The following PTPN12 variants were observed in gnomAD, a reference collection of about 807,000 sequenced individuals.
The protein encoded by PTPN12 is tyrosine-protein phosphatase non-receptor type 12.
PTPN12 carries 29 observed loss-of-function variants against 97.6 expected under a neutral mutation model. That is an observed-to-expected ratio of 0.30 (90% CI 0.22 to 0.41). The LOEUF (loss-of-function observed/expected upper bound fraction) is 0.41, where lower values mean the gene tolerates loss of function less well. PTPN12 is among the 10% of genes least tolerant of loss of function. PTPN12 has a pLI of 1.00. For synonymous variants in PTPN12, 327 were observed against 300.4 expected (o/e 1.09, Z -0.91); for missense variants, 819 against 926.0 (o/e 0.88, Z 1.50).
chr7:77,567,195 T>TAAA (rs35233834), intron 1 of PTPN12, among the ~76,000 whole-genome samples: 1 of 141,098 alleles, frequency 7.1e-6, no homozygotes. Flanking sequence ...GTTGATGTGT[T>TAAA]AAAAAAAAAA....
At chr7:77,579,062 T>TA (rs1198677209) in intron 2 of PTPN12, among the ~76,000 whole-genome samples, 6 of 152,070 alleles carry the variant, frequency 3.9e-5, no homozygotes, top group South Asian at 2.1e-4. Flanking sequence ...TCCAGTCATT[T>TA]AAAAAAAATC....
chr7:77,614,205 T>C (rs1788674613), intron 11 of PTPN12, among the ~76,000 whole-genome samples: 1 of 152,182 alleles, frequency 6.6e-6, no homozygotes, highest in Non-Finnish European at 1.5e-5. Context: ...TTTTTAAAAC[T>C]TTTAACTATA....
At chr7:77,616,754 AAGC>A (rs1788763691) in intron 11 of PTPN12, among the ~76,000 whole-genome samples, 1 of 152,160 alleles carries the variant, frequency 6.6e-6, no homozygotes, top group Admixed American at 6.5e-5. Context: ...TGGAAATAAT[AAGC>A]AGATGATCAA....
chr7:77,592,398 T>C, intron 6 of PTPN12, 142 bp downstream of exon 6: 1 of 610,440 alleles, frequency 1.6e-6, no homozygotes. Flanking sequence ...AAAAATTTTG[T>C]TTATATACTG....
At chr7:77,562,977 G>T (rs1339612755) in intron 1 of PTPN12, among the ~76,000 whole-genome samples, 1 of 131,230 alleles carries the variant, frequency 7.6e-6, no homozygotes, top group Non-Finnish European at 1.6e-5. Context: ...AAAAAGAACA[G>T]CCTTGTTTTT....
chr7:77,639,557 A>G lies in PTPN12; in HGVS notation c.*277A>G, dbSNP rs1438751814. ...GTTAATATAGTAATACCTTTATGATATATTGAGTTTAAGGACTACTCTTTT... is the reference window on the plus strand; with the variant it reads ...GTTAATATAGTAATACCTTTATGATGTATTGAGTTTAAGGACTACTCTTTT... On this transcript the variant is annotated 3_prime_UTR_variant, in exon 18 of 18. Coordinates refer to ENST00000248594, the MANE Select transcript of PTPN12 (RefSeq NM_002835.4). 5.9e-6 allele frequency: 2 copies of G among 336,716 alleles called. No homozygotes were observed. The highest frequency in any genetic ancestry group is 9.9e-5 in the South Asian group (1 of 10,076). 20.9% of individuals were successfully genotyped at this position (336,716 alleles called of 1,614,324 possible).
At chr7:77,638,117 C>G (rs1789671765) in intron 16 of PTPN12, among the ~76,000 whole-genome samples, 1 of 151,320 alleles carries the variant, frequency 6.6e-6, no homozygotes. Context: ...GCCACCACGC[C>G]TGGCTAATTT....
chr7:77,589,017 C>T (rs68153348), intron 5 of PTPN12, among the ~76,000 whole-genome samples: 36,733 of 151,764 alleles, frequency 0.24, 4,689 homozygotes, highest in Non-Finnish European at 0.28. Context: ...GGACTACAGG[C>T]GCCTACCACC....
At chr7:77,600,405 A>T (rs1222006515) in intron 7 of PTPN12, among the ~76,000 whole-genome samples, 4 of 152,172 alleles carry the variant, frequency 2.6e-5, no homozygotes, top group African/African-American at 4.8e-5. Flanking sequence ...AAGTTATTTT[A>T]TCTGTATATC....
chr7:77,581,677 A>C (rs1177108713), intron 3 of PTPN12, among the ~76,000 whole-genome samples, 174 bp downstream of exon 3: 1 of 152,228 alleles, frequency 6.6e-6, no homozygotes, highest in Non-Finnish European at 1.5e-5. Context: ...CTTCTTATTC[A>C]TATAGATAAA....
intron 13 of PTPN12, among the ~76,000 whole-genome samples, chr7:77,629,549 T>A (rs749922021): frequency 3.3e-5 from 5 of 151,716 alleles, no homozygotes; most frequent in Non-Finnish European, 7.4e-5. Context: ...TGTTTTGTTC[T>A]TTTGCTTTTT....
chr7:77,628,520 T>G (rs1789281506), intron 13 of PTPN12, among the ~76,000 whole-genome samples: 2 of 152,260 alleles, frequency 1.3e-5, no homozygotes, highest in South Asian at 4.1e-4. Context: ...AGACTGGTAT[T>G]TATAACGTGC....
intron 2 of PTPN12, among the ~76,000 whole-genome samples, chr7:77,574,792 A>T (rs1787285553): frequency 6.6e-6 from 1 of 152,104 alleles, no homozygotes; most frequent in Non-Finnish European, 1.5e-5. Context: ...AAGTTTGATA[A>T]GTAGGTCTCC....
intron 3 of PTPN12, among the ~76,000 whole-genome samples, chr7:77,581,807 ACAT>A (rs1343612495): frequency 1.8e-4 from 28 of 152,354 alleles, no homozygotes; most frequent in African/African-American, 6.5e-4. Context: ...ACACAAATGA[ACAT>A]CATCAATCCC....
At position 77,614,028 on chromosome 7, in the gene PTPN12, A is replaced by C. The variant is rs187362667; in HGVS notation, c.939+2982A>C. Among the ~76,000 whole-genome samples the C allele has an allele frequency of 1.5e-4, 23 of 152,170 alleles. 1 individual carries two copies. Among genetic ancestry groups the C allele is most frequent in the Admixed American group, 1.4e-3 (22 of 15,266 alleles). ...TGCCTCAGCCTCCCAAGTAGCTGAG[A>C]CTATAGGCACATATACCACACCTAG... is the stretch of plus-strand genomic sequence containing the variant. On this transcript the variant is annotated intron_variant, in intron 11 of 17. Transcript: ENST00000248594.
chr7:77,628,072 G>A (rs1440840598), intron 13 of PTPN12, among the ~76,000 whole-genome samples: 4 of 152,094 alleles, frequency 2.6e-5, no homozygotes, highest in East Asian at 1.9e-4. Flanking sequence ...AATGTTACTC[G>A]TTTTTCCTAA....
At chr7:77,608,340 C>T (rs1433347788) in intron 9 of PTPN12, among the ~76,000 whole-genome samples, 1 of 152,178 alleles carries the variant, frequency 6.6e-6, no homozygotes, top group East Asian at 1.9e-4. Flanking sequence ...ATTGTAAGTA[C>T]TCAGTTTATT....
chr7:77,610,878 T>A, intron 10 of PTPN12, 36 bp downstream of exon 10: 1 of 1,585,652 alleles, frequency 6.3e-7, no homozygotes, highest in African/African-American at 1.4e-5. Flanking sequence ...AACTGCTATT[T>A]TATAAATGCT....
chr7:77,551,245 T>C (rs1439801288), intron 1 of PTPN12, among the ~76,000 whole-genome samples: 14 of 151,990 alleles, frequency 9.2e-5, no homozygotes, highest in Admixed American at 9.2e-4. Context: ...ATTTTTAGTA[T>C]AGACAAGGTT....
Sources: allele counts gnomAD v4.1 joint callset (sites outside exome capture counted in the v4.1 genomes callset), GRCh38; gene constraint gnomAD v4.1.1; transcripts MANE v1.5; gene names NCBI Gene and HGNC (gene_info 2026-07-23, HGNC 2026-07-21).